Variants in MGMT observed in about 807,000 individuals in gnomAD.
The protein encoded by MGMT is O-6-methylguanine-DNA methyltransferase.
Under a neutral mutation model 15.9 loss-of-function variants are expected in MGMT, and 14 were observed. The ratio of observed to expected loss-of-function variants is 0.88; its 90% confidence interval spans 0.58 to 1.37. The LOEUF (loss-of-function observed/expected upper bound fraction) is 1.37, where lower values mean the gene tolerates loss of function less well. Ranked by LOEUF, MGMT falls within the 40% of genes most tolerant of loss-of-function variation. The pLI, the probability that MGMT is intolerant of heterozygous loss-of-function variation, is 0.00. For missense variants in MGMT, 282 were observed against 268.1 expected (o/e 1.05, Z -0.36); for synonymous variants, 130 against 118.2 (o/e 1.10, Z -0.65).
At chr10:129,680,825 G>A (rs926131417) in intron 2 of MGMT, among the ~76,000 whole-genome samples, 9 of 152,174 alleles carry the variant, frequency 5.9e-5, no homozygotes, top group South Asian at 2.1e-4. Context: ...TCGCCACTCC[G>A]TGAGGGTAGA....
At chr10:129,535,070 A>G (rs1264678728) in intron 1 of MGMT, among the ~76,000 whole-genome samples, 2 of 152,112 alleles carry the variant, frequency 1.3e-5, no homozygotes, top group African/African-American at 4.8e-5. Context: ...CACAGGCTCT[A>G]ATTTGTTGCC....
intron 3 of MGMT, among the ~76,000 whole-genome samples, chr10:129,730,155 CA>C (rs1323496287): frequency 6.6e-6 from 1 of 152,152 alleles, no homozygotes; most frequent in Non-Finnish European, 1.5e-5. Flanking sequence ...CTGAGAGGGG[CA>C]GCCTACATAC....
At chr10:129,608,153 G>A (rs753127934) in intron 2 of MGMT, among the ~76,000 whole-genome samples, 2 of 152,218 alleles carry the variant, frequency 1.3e-5, no homozygotes, top group Non-Finnish European at 2.9e-5. Context: ...AAAAAACGGG[G>A]TTGCCACGTT....
intron 2 of MGMT, among the ~76,000 whole-genome samples, chr10:129,689,488 G>A (rs1847946743): frequency 6.6e-6 from 1 of 152,188 alleles, no homozygotes; most frequent in African/African-American, 2.4e-5. Flanking sequence ...AAGTGCTGGA[G>A]ATAGTAGCTT....
chr10:129,482,296 T>G (rs545133911), intron 1 of MGMT, among the ~76,000 whole-genome samples: 7 of 152,324 alleles, frequency 4.6e-5, no homozygotes, highest in African/African-American at 1.7e-4. Flanking sequence ...CCTGTTATGA[T>G]TTTAATCCTC....
chr10:129,591,296 A>G (rs1202626061), intron 2 of MGMT, among the ~76,000 whole-genome samples: 1 of 152,252 alleles, frequency 6.6e-6, no homozygotes, highest in African/African-American at 2.4e-5. Flanking sequence ...CTGACCTTGA[A>G]TAGCCTGACA....
At chr10:129,666,967 A>G (rs1847666193) in intron 2 of MGMT, among the ~76,000 whole-genome samples, 1 of 152,246 alleles carries the variant, frequency 6.6e-6, no homozygotes, top group African/African-American at 2.4e-5. Context: ...TCCCAGCCTT[A>G]CATAATTGAG....
intron 2 of MGMT, among the ~76,000 whole-genome samples, chr10:129,581,605 G>A (rs1020657696): frequency 3.9e-5 from 6 of 152,156 alleles, no homozygotes; most frequent in Admixed American, 2.0e-4. Flanking sequence ...GTGCAGACAC[G>A]TCTCAGAATA....
intron 1 of MGMT, among the ~76,000 whole-genome samples, chr10:129,493,364 C>G (rs2119660940): frequency 6.6e-6 from 1 of 152,294 alleles, no homozygotes; most frequent in South Asian, 2.1e-4. Flanking sequence ...CACTTTCCCT[C>G]TGCTTCCTCC....
chr10:129,762,675 CAG>C (rs1488210833), intron 4 of MGMT, among the ~76,000 whole-genome samples: 1 of 152,196 alleles, frequency 6.6e-6, no homozygotes, highest in African/African-American at 2.4e-5. Context: ...ATACATTGCA[CAG>C]AGAGTCTCCC....
At chr10:129,741,105 GT>G (rs756311204) in intron 3 of MGMT, among the ~76,000 whole-genome samples, 19 of 152,146 alleles carry the variant, frequency 1.2e-4, no homozygotes, top group African/African-American at 4.6e-4. Context: ...GGAATGCTCT[GT>G]TTTGGCAAAC....
intron 1 of MGMT, 130 bp from the exon 2 acceptor site, chr10:129,536,111 A>G (rs2119758962): frequency 2.8e-6 from 3 of 1,085,584 alleles, no homozygotes; most frequent in Non-Finnish European, 4.0e-6. Context: ...GATGCATCGT[A>G]TAATTCCAAA....
chr10:129,630,477 T>C (rs1024638762), intron 2 of MGMT, among the ~76,000 whole-genome samples: 1 of 152,244 alleles, frequency 6.6e-6, no homozygotes, highest in Non-Finnish European at 1.5e-5. Context: ...GCCAGCTACC[T>C]TTCTCCTCTG....
intron 2 of MGMT, among the ~76,000 whole-genome samples, chr10:129,630,039 A>G (rs1174436304): frequency 2.0e-5 from 3 of 152,248 alleles, no homozygotes; most frequent in Non-Finnish European, 4.4e-5. Context: ...GTCAGGTGGA[A>G]GCGGTGAGAG....
Position 129,530,264 on chromosome 10 carries a change from A to G in MGMT, c.-12-5977A>G, listed in dbSNP as rs149717149. Among the ~76,000 whole-genome samples, 206 of 152,362 alleles carry G rather than the reference A, an allele frequency of 1.4e-3. 1 individual carries two copies. Among genetic ancestry groups the G allele is most frequent in the African/African-American group, 4.2e-3 (174 of 41,584 alleles). On this transcript the variant is annotated intron_variant, in intron 1 of 4. Transcript: ENST00000651593. ...AAGTTGACTCGTACTAACTGTAGAA[A>G]GCTGAGAGAATGCAGATAAAAAAGG...
At chr10:129,486,489 G>A (rs1008539185) in intron 1 of MGMT, among the ~76,000 whole-genome samples, 2 of 151,980 alleles carry the variant, frequency 1.3e-5, no homozygotes, top group African/African-American at 4.8e-5. Context: ...GCGCCCAGCC[G>A]GTTATTGTAT....
intron 2 of MGMT, among the ~76,000 whole-genome samples, chr10:129,606,405 T>C (rs1196004922): frequency 1.3e-4 from 20 of 152,108 alleles, no homozygotes; most frequent in Admixed American, 1.3e-3. Flanking sequence ...TTTTGTCTCT[T>C]TTGGTAATTG....
At chr10:129,740,885 A>G (rs1848623954) in intron 3 of MGMT, among the ~76,000 whole-genome samples, 1 of 152,232 alleles carries the variant, frequency 6.6e-6, no homozygotes, top group South Asian at 2.1e-4. Flanking sequence ...CTTGGCACTT[A>G]CTGTGATAAT....
chr10:129,751,877 T>C (rs186452660), intron 3 of MGMT, among the ~76,000 whole-genome samples: 4 of 152,146 alleles, frequency 2.6e-5, no homozygotes, highest in East Asian at 1.9e-4. Flanking sequence ...ATGTAACTTA[T>C]ATGATTGCAG....
Sources: allele counts gnomAD v4.1 joint callset (sites outside exome capture counted in the v4.1 genomes callset), GRCh38; gene constraint gnomAD v4.1.1; transcripts MANE v1.5; gene names NCBI Gene and HGNC (gene_info 2026-07-23, HGNC 2026-07-21).